EYS: variants seen among roughly 807,000 people sequenced by gnomAD.
EYS encodes the protein protein eyes shut homolog.
Under a neutral mutation model 282.1 loss-of-function variants are expected in EYS, and 250 were observed. That is an observed-to-expected ratio of 0.89 (90% CI 0.80 to 0.98). The LOEUF is 0.98. EYS is among the 50% of genes least tolerant of loss of function. The pLI, the probability that EYS is intolerant of heterozygous loss-of-function variation, is 0.00. For synonymous variants in EYS, 1,355 were observed against 1,282.9 expected (o/e 1.06, Z -1.20); for missense variants, 4,016 against 3,709.0 (o/e 1.08, Z -2.15).
chr6:64,469,438 C>T (rs541622505), intron 26 of EYS, among the ~76,000 whole-genome samples: 2 of 152,078 alleles, frequency 1.3e-5, no homozygotes, highest in Non-Finnish European at 2.9e-5. Flanking sequence ...ACTCTTTATT[C>T]CAATGTTATA....
At chr6:65,583,039 T>C (rs1582482840) in intron 2 of EYS, among the ~76,000 whole-genome samples, 1 of 152,214 alleles carries the variant, frequency 6.6e-6, no homozygotes, top group Non-Finnish European at 1.5e-5. Context: ...TTGATCCCTA[T>C]AATGCAATTT....
intron 2 of EYS, among the ~76,000 whole-genome samples, chr6:65,554,400 TTC>T (rs1229483860): frequency 6.6e-6 from 1 of 152,164 alleles, no homozygotes; most frequent in Non-Finnish European, 1.5e-5. Flanking sequence ...CTCAACCTCC[TTC>T]TTTATTTTTT....
At position 65,515,907 on chromosome 6, in the gene EYS, A is replaced by G. The variant is rs973192993; in HGVS notation, c.-332-19914T>C. 2.0e-5 allele frequency among the ~76,000 whole-genome samples: 3 copies of G among 151,860 alleles called. No individual in the cohort carries two copies. The South Asian group carries it at 6.3e-4, about 32-fold the overall frequency. ...GTATACATATGTAACTAACCTGCAC[A>G]TTGTGCACATGTACCCTAAAACTTA... On this transcript the variant is annotated intron_variant, in intron 2 of 42. Transcript: ENST00000503581.
chr6:63,984,459 G>T lies in EYS; in HGVS notation c.6979C>A (p.His2327Asn). 6.5e-7 allele frequency: 1 copy of T among 1,549,696 alleles called. No homozygotes were observed. The highest frequency in any genetic ancestry group is 8.7e-7 in the Non-Finnish European group (1 of 1,145,594). ...TGGCAGTTCTCAATATTCTTTCCAT[G>T]TCGTGCTTCATCGATGATGAAGAAT... ...KEFFIIDEARHGKNIENCHVP... is the reference protein window; with the variant it reads ...KEFFIIDEARNGKNIENCHVP... The change falls in exon 35 of 43, where the codon CAT (histidine) becomes AAT (asparagine). Residue 2327 changes from histidine (H) to asparagine (N), a missense_variant. By Grantham distance (68) the His-to-Asn change is moderately conservative. Transcript: ENST00000503581.
intron 34 of EYS, among the ~76,000 whole-genome samples, chr6:63,994,563 T>C (rs1767748765): frequency 1.3e-5 from 2 of 151,856 alleles, no homozygotes; most frequent in African/African-American, 4.8e-5. Flanking sequence ...GACCATTATA[T>C]TGACTATAAT....
intron 22 of EYS, among the ~76,000 whole-genome samples, chr6:64,690,421 G>A (rs1234829353): frequency 3.9e-5 from 6 of 152,128 alleles, no homozygotes; most frequent in East Asian, 1.9e-4. Flanking sequence ...ACAGTGTGGC[G>A]ATTCCTCAAG....
At chr6:64,501,931 C>A (rs144192363) in intron 26 of EYS, among the ~76,000 whole-genome samples, 9 of 152,282 alleles carry the variant, frequency 5.9e-5, no homozygotes, top group African/African-American at 2.2e-4. Flanking sequence ...GTGGCTCCTG[C>A]ATGTACTAGT....
intron 13 of EYS, among the ~76,000 whole-genome samples, chr6:65,057,339 T>G (rs1316619537): frequency 6.6e-6 from 1 of 152,140 alleles, no homozygotes; most frequent in African/African-American, 2.4e-5. Context: ...GGTAATATAT[T>G]CCTTCCTTAC....
intron 22 of EYS, among the ~76,000 whole-genome samples, chr6:64,722,566 C>T (rs539009728): frequency 1.3e-5 from 2 of 150,098 alleles, no homozygotes; most frequent in Admixed American, 1.3e-4. Flanking sequence ...TCAAAATGGT[C>T]ATTTGAACAA....
chr6:65,349,320 A>C (rs1164616162), intron 9 of EYS, among the ~76,000 whole-genome samples: 1 of 151,540 alleles, frequency 6.6e-6, no homozygotes, highest in Non-Finnish European at 1.5e-5. Context: ...TGCAGAGTAC[A>C]CTTGGCTTTA....
chr6:65,338,821 T>G (rs1292037789), intron 10 of EYS, among the ~76,000 whole-genome samples: 1 of 151,116 alleles, frequency 6.6e-6, no homozygotes, highest in East Asian at 1.9e-4. Context: ...TAACACAATA[T>G]TATTACCCCA....
chr6:65,404,812 A>G (rs77910967), intron 6 of EYS, among the ~76,000 whole-genome samples: 7,540 of 152,018 alleles, frequency 0.05, 215 homozygotes, highest in South Asian at 0.12. Context: ...ATGAATCTAA[A>G]ATGAAAAGAC....
intron 26 of EYS, among the ~76,000 whole-genome samples, chr6:64,548,194 C>T (rs1375447256): frequency 6.6e-6 from 1 of 152,208 alleles, no homozygotes; most frequent in East Asian, 1.9e-4. Context: ...CAAGCGAGGG[C>T]TGCGAGGGCT....
chr6:65,391,370 T>C (rs1562145771), intron 7 of EYS, among the ~76,000 whole-genome samples: 1 of 152,102 alleles, frequency 6.6e-6, no homozygotes, highest in East Asian at 1.9e-4. Flanking sequence ...ATTTAAACTT[T>C]AAAAAACTTT....
chr6:65,144,921 C>T (rs1764439963), intron 12 of EYS, among the ~76,000 whole-genome samples: 1 of 151,832 alleles, frequency 6.6e-6, no homozygotes, highest in South Asian at 2.1e-4. Flanking sequence ...AGGCATGCCC[C>T]ATCTCATTTG....
rs116429323 is a variant in EYS, at chr6:64,121,754, C to T, written c.6425-39752G>A. ...TCAAGAAATTACCCTTCTTAAAGTA[C>T]CAGTTTCTATTAGGTGTGACACCAT... On this transcript the variant is annotated intron_variant, in intron 31 of 42. Transcript: ENST00000503581. 9.7e-3 allele frequency among the ~76,000 whole-genome samples: 1,476 copies of T among 152,164 alleles called. 28 individuals are homozygous for T. The highest frequency in any genetic ancestry group is 0.034 in the African/African-American group (1,423 of 41,514).
intron 35 of EYS, among the ~76,000 whole-genome samples, chr6:63,866,102 T>G (rs1158984562): frequency 1.3e-5 from 2 of 152,184 alleles, no homozygotes; most frequent in Non-Finnish European, 2.9e-5. Context: ...TTATAAAGTA[T>G]CCTGAGCAAG....
chr6:64,736,804 A>G (rs1423711326), intron 22 of EYS, among the ~76,000 whole-genome samples: 1 of 152,200 alleles, frequency 6.6e-6, no homozygotes, highest in Admixed American at 6.5e-5. Flanking sequence ...AAAATCAGAT[A>G]AGGGAAGCTT....
At chr6:65,492,545 C>G (rs1029309006) in intron 4 of EYS, among the ~76,000 whole-genome samples, 1 of 152,130 alleles carries the variant, frequency 6.6e-6, no homozygotes, top group Non-Finnish European at 1.5e-5. Flanking sequence ...GCCAAATGTT[C>G]TTTAAAACTC....
Sources: allele counts gnomAD v4.1 joint callset (sites outside exome capture counted in the v4.1 genomes callset), GRCh38; gene constraint gnomAD v4.1.1; transcripts MANE v1.5; gene names NCBI Gene and HGNC (gene_info 2026-07-23, HGNC 2026-07-21).